The following B4GALNT3 variants were observed in gnomAD, a reference collection of about 807,000 sequenced individuals.
B4GALNT3 encodes beta-1,4-N-acetyl-galactosaminyltransferase 3, also known as beta-1,4-N-acetylgalactosaminyltransferase 3.
B4GALNT3 carries 86 observed loss-of-function variants against 120.2 expected under a neutral mutation model. The observed-to-expected ratio is 0.72, with a 90% CI of 0.60 to 0.86. The LOEUF is 0.86. Among genes scored for constraint, B4GALNT3 ranks in the 40% least tolerant of loss-of-function variants. The pLI is 0.00. For synonymous variants in B4GALNT3, 518 were observed against 510.4 expected (o/e 1.01, Z -0.20); for missense variants, 1,167 against 1,298.9 (o/e 0.90, Z 1.56).
At chr12:475,517 G>C (rs1430108811) in intron 1 of B4GALNT3, among the ~76,000 whole-genome samples, 2 of 152,132 alleles carry the variant, frequency 1.3e-5, no homozygotes, top group Non-Finnish European at 2.9e-5. Context: ...ACCGGAGGTG[G>C]GGTCTCCTCC....
chr12:523,632 A>G (rs1946733660), intron 1 of B4GALNT3, among the ~76,000 whole-genome samples: 1 of 152,228 alleles, frequency 6.6e-6, no homozygotes, highest in Non-Finnish European at 1.5e-5. Context: ...TCCCTAGCAC[A>G]GGCTTCCCTT....
At chr12:513,659 T>C (rs1342623145) in intron 1 of B4GALNT3, among the ~76,000 whole-genome samples, 1 of 152,234 alleles carries the variant, frequency 6.6e-6, no homozygotes, top group African/African-American at 2.4e-5. Flanking sequence ...ATGGCTTAAC[T>C]TACTGGGAAT....
At chr12:502,659 C>T (rs1946456783) in intron 1 of B4GALNT3, among the ~76,000 whole-genome samples, 1 of 152,212 alleles carries the variant, frequency 6.6e-6, no homozygotes. Context: ...GAGTGGTGTT[C>T]TTAGCACAGA....
At chr12:510,957 C>T (rs1946541941) in intron 1 of B4GALNT3, among the ~76,000 whole-genome samples, 1 of 150,700 alleles carries the variant, frequency 6.6e-6, no homozygotes, top group Admixed American at 6.6e-5. Context: ...CCAATTCTCC[C>T]CACCTCCAGC....
At chr12:532,260 C>T (rs1946816062) in intron 1 of B4GALNT3, among the ~76,000 whole-genome samples, 1 of 152,224 alleles carries the variant, frequency 6.6e-6, no homozygotes, top group Admixed American at 6.5e-5. Context: ...TCACCTGTTA[C>T]CCAGGGGCAA....
At chr12:511,186 G>A (rs1213951492) in intron 1 of B4GALNT3, among the ~76,000 whole-genome samples, 3 of 144,680 alleles carry the variant, frequency 2.1e-5, no homozygotes, top group Non-Finnish European at 3.1e-5. Flanking sequence ...GTGCCACCAC[G>A]CTCGGCTAAT....
chr12:516,654 A>G (rs1592036496), intron 1 of B4GALNT3, among the ~76,000 whole-genome samples: 1 of 152,218 alleles, frequency 6.6e-6, no homozygotes, highest in African/African-American at 2.4e-5. Context: ...TCTTTCCCCA[A>G]TAAACGTTAC....
At chr12:551,987 AG>A in intron 11 of B4GALNT3, 75 bp from the exon 12 acceptor site, 2 of 1,141,754 alleles carry the variant, frequency 1.8e-6, no homozygotes, top group South Asian at 2.5e-5. Context: ...AGCCAGGGGC[AG>A]GCTTAACCCT....
At chr12:542,554 G>A (rs992274139) in intron 3 of B4GALNT3, among the ~76,000 whole-genome samples, 1 of 152,224 alleles carries the variant, frequency 6.6e-6, no homozygotes, top group Admixed American at 6.5e-5. Context: ...AGCCCTGGGG[G>A]AGGGGAGGAC....
At chr12:539,529 T>TC (rs1946894231) in intron 3 of B4GALNT3, among the ~76,000 whole-genome samples, 1 of 147,812 alleles carries the variant, frequency 6.8e-6, no homozygotes, top group Admixed American at 6.7e-5. Context: ...TCTCAGCCTT[T>TC]CCTTTAAAAA....
At chr12:479,881 C>T (rs923511912) in intron 1 of B4GALNT3, among the ~76,000 whole-genome samples, 4 of 126,192 alleles carry the variant, frequency 3.2e-5, no homozygotes, top group Non-Finnish European at 5.1e-5. Context: ...TCAGAACTGA[C>T]CAATTAAAAA....
intron 1 of B4GALNT3, among the ~76,000 whole-genome samples, chr12:480,199 G>A (rs1271251830): frequency 1.4e-5 from 2 of 146,178 alleles, no homozygotes; most frequent in Admixed American, 6.8e-5. Context: ...ACAGGCGTGA[G>A]CCACCGCGCC....
chr12:475,931 G>A (rs564991829), intron 1 of B4GALNT3, among the ~76,000 whole-genome samples: 1 of 152,264 alleles, frequency 6.6e-6, no homozygotes, highest in East Asian at 1.9e-4. Flanking sequence ...CGCAGGCTTC[G>A]CTGTGCCCGT....
chr12:544,262 C>G, intron 3 of B4GALNT3, 77 bp from the exon 4 acceptor site: 1 of 1,405,832 alleles, frequency 7.1e-7, no homozygotes, highest in African/African-American at 1.4e-5. Flanking sequence ...ATGGGATGCT[C>G]ATCCCCCTGG....
Position 553,572 on chromosome 12 carries a change from G to T in B4GALNT3, c.1649G>T (p.Arg550Met). 1 of 1,613,972 alleles carries T rather than the reference G, an allele frequency of 6.2e-7. No individual in the cohort carries two copies. Among genetic ancestry groups the T allele is most frequent in the Non-Finnish European group, 8.5e-7 (1 of 1,179,918 alleles). The change falls in exon 14 of 20, where the codon AGG (arginine) becomes ATG (methionine). Residue 550 changes from arginine (R) to methionine (M), a missense_variant. Physicochemically the swap from Arg to Met is moderately conservative, Grantham distance 91 (BLOSUM62 -1). Coordinates refer to ENST00000266383, the MANE Select transcript of B4GALNT3 (RefSeq NM_173593.4). ...NLPQMRGPRP[R>M]PAGDSPRKTQ... ...CCTCAGATGAGGGGGCCCAGGCCCA[G>T]GCCCGCTGGTGACAGCCCCAGGAAG...
chr12:522,941 T>A (rs4980831), intron 1 of B4GALNT3, among the ~76,000 whole-genome samples: 20,262 of 57,466 alleles, frequency 0.35, 3,095 homozygotes, highest in Non-Finnish European at 0.41. Context: ...AGACTCTGTT[T>A]AAAAAAAAAA....
chr12:561,291 C>A (rs1947228970), intron 19 of B4GALNT3, 52 bp from the exon 20 acceptor site: 2 of 1,477,360 alleles, frequency 1.4e-6, no homozygotes, highest in Non-Finnish European at 1.9e-6. Context: ...GGAGGGGCCC[C>A]CCAGCTGCCT....
At chr12:494,646 C>G (rs1480156020) in intron 1 of B4GALNT3, among the ~76,000 whole-genome samples, 2 of 152,236 alleles carry the variant, frequency 1.3e-5, no homozygotes, top group South Asian at 2.1e-4. Context: ...TCTCAGAGAC[C>G]CGTGTAGTAC....
At position 511,406 on chromosome 12, in the gene B4GALNT3, TC is replaced by T. The variant is rs1346138600; in HGVS notation, c.170-23758del. Among the ~76,000 whole-genome samples, 281 of 70,792 alleles carry T rather than the reference TC, an allele frequency of 4.0e-3. 8 individuals carry two copies. Among genetic ancestry groups the T allele is most frequent in the Middle Eastern group, 6.6e-3 (1 of 152 alleles). The allele number at this position is 70,792 out of a possible 152,430, so 46.4% of individuals were successfully genotyped here. A position where few individuals can be genotyped will look rare whatever the true frequency, so the allele number is the denominator to read the frequency against. On this transcript the variant is annotated intron_variant, in intron 1 of 19. Coordinates refer to ENST00000266383, the MANE Select transcript of B4GALNT3 (RefSeq NM_173593.4). ...GCCTTCCACCTTCTGTCTTCCACCT[TC>T]CTTCCACCTTCCACCTTCCACCTTC...
Sources: allele counts gnomAD v4.1 joint callset (sites outside exome capture counted in the v4.1 genomes callset), GRCh38; gene constraint gnomAD v4.1.1; transcripts MANE v1.5; gene names NCBI Gene and HGNC (gene_info 2026-07-23, HGNC 2026-07-21).